The following PGM2L1 variants were observed in gnomAD, a reference collection of about 807,000 sequenced individuals.
The protein encoded by PGM2L1 is glucose 1,6-bisphosphate synthase.
In PGM2L1, 35 loss-of-function variants were observed where a neutral mutation model predicts 73.4. That is an observed-to-expected ratio of 0.48 (90% CI 0.36 to 0.63). PGM2L1 has a LOEUF of 0.63. Ranked by LOEUF, PGM2L1 falls within the 30% of genes least tolerant of loss-of-function variation. PGM2L1 has a pLI of 0.00. For missense variants in PGM2L1, 570 were observed against 742.0 expected (o/e 0.77, Z 2.69); for synonymous variants, 225 against 253.8 (o/e 0.89, Z 1.08).
intron 2 of PGM2L1, among the ~76,000 whole-genome samples, chr11:74,373,025 T>TAA (rs34565565): frequency 7.3e-5 from 11 of 151,472 alleles, no homozygotes; most frequent in East Asian, 1.9e-4. Context: ...TTTTTGCCAT[T>TAA]AAAAAAAATG....
chr11:74,343,043 G>A, intron 10 of PGM2L1, 29 bp from the exon 11 acceptor site: 1 of 1,572,042 alleles, frequency 6.4e-7, no homozygotes, highest in South Asian at 1.2e-5. Context: ...CACTAGAAAA[G>A]AGGAAAACTT....
In PGM2L1 at chr11:74,398,199, G is replaced by C; in HGVS notation, c.-38C>G. 1 of 1,585,400 alleles carries C rather than the reference G, an allele frequency of 6.3e-7. No homozygotes were observed. Among genetic ancestry groups the C allele is most frequent in the Non-Finnish European group, 8.6e-7 (1 of 1,164,584 alleles). On this transcript the variant is annotated 5_prime_UTR_variant, in exon 1 of 14. Transcript: ENST00000298198. ...GGCGTACGGGCCGGGGGCCGGCGAA[G>C]ACACTGAGTTGGGGTGGGGGGTGGC...
At chr11:74,354,623 C>A in intron 5 of PGM2L1, 1 of 1,147,744 alleles carries the variant, frequency 8.7e-7, no homozygotes. Context: ...GGGTTTGTCA[C>A]ATATGCCACT....
At chr11:74,361,925 G>A (rs929498012) in intron 5 of PGM2L1, among the ~76,000 whole-genome samples, 1 of 152,178 alleles carries the variant, frequency 6.6e-6, no homozygotes, top group Admixed American at 6.5e-5. Context: ...CATCTGATTG[G>A]TATACCTGAA....
At chr11:74,378,004 A>G (rs942941669) in intron 1 of PGM2L1, among the ~76,000 whole-genome samples, 1 of 151,920 alleles carries the variant, frequency 6.6e-6, no homozygotes, top group Non-Finnish European at 1.5e-5. Flanking sequence ...CCTGCTTTGA[A>G]GAAACATACA....
intron 5 of PGM2L1, among the ~76,000 whole-genome samples, chr11:74,363,176 T>G (rs1862593836): frequency 6.6e-6 from 1 of 152,206 alleles, no homozygotes; most frequent in Admixed American, 6.5e-5. Flanking sequence ...AATAAAGATG[T>G]TCTTTGAAAC....
At chr11:74,337,213 G>C (rs1210515010) in intron 13 of PGM2L1, among the ~76,000 whole-genome samples, 1 of 152,150 alleles carries the variant, frequency 6.6e-6, no homozygotes, top group African/African-American at 2.4e-5. Context: ...CTTAAAAGAA[G>C]GCCCTTGAAA....
chr11:74,339,263 C>A (rs1862147019), intron 12 of PGM2L1, among the ~76,000 whole-genome samples: 1 of 152,152 alleles, frequency 6.6e-6, no homozygotes, highest in South Asian at 2.1e-4. Context: ...CCTGCATGTA[C>A]TGGGGTGCAG....
At chr11:74,360,069 G>A (rs1252824382) in intron 5 of PGM2L1, among the ~76,000 whole-genome samples, 3 of 151,888 alleles carry the variant, frequency 2.0e-5, no homozygotes, top group African/African-American at 7.3e-5. Context: ...GCAAGACCCT[G>A]TCTCTACTAA....
At chr11:74,348,729 T>C (rs1456377457) in intron 6 of PGM2L1, among the ~76,000 whole-genome samples, 5 of 152,224 alleles carry the variant, frequency 3.3e-5, no homozygotes, top group African/African-American at 7.2e-5. Flanking sequence ...ATGTCATTTA[T>C]TGAAGAAACT....
chr11:74,338,392 T>C (rs1768174879), intron 13 of PGM2L1, 76 bp downstream of exon 13: 1 of 1,307,898 alleles, frequency 7.6e-7, no homozygotes, highest in South Asian at 2.0e-5. Context: ...ACATTTTAAG[T>C]GCGTGAGCTG....
chr11:74,395,548 G>GGTT (rs1565447849), intron 1 of PGM2L1, among the ~76,000 whole-genome samples: 1 of 66,196 alleles, frequency 1.5e-5, no homozygotes, highest in Admixed American at 1.7e-4. Context: ...ACCTCGCCTG[G>GGTT]CTTTTTTTTT....
intron 5 of PGM2L1, among the ~76,000 whole-genome samples, chr11:74,361,554 C>T (rs1862563836): frequency 6.6e-6 from 1 of 152,188 alleles, no homozygotes; most frequent in African/African-American, 2.4e-5. Flanking sequence ...CGGAGAATGA[C>T]TTTGACGAGT....
rs1161170050 is a variant in PGM2L1, at chr11:74,332,864, A to G, written c.*3788T>C. On this transcript the variant is annotated 3_prime_UTR_variant, in exon 14 of 14. Transcript: ENST00000298198. Reference sequence around the variant, plus strand: ...AATAACAACATATATATTCAAAACGAAAACCTCAAATAACCTAAGCCACTA... The same window carrying G: ...AATAACAACATATATATTCAAAACGGAAACCTCAAATAACCTAAGCCACTA... 3 of 152,640 alleles carry G rather than the reference A, an allele frequency of 2.0e-5. No homozygotes were observed. Among genetic ancestry groups the G allele is most frequent in the Non-Finnish European group, 2.9e-5 (2 of 68,028 alleles). The allele number at this position is 152,640 out of a possible 1,614,324, so 9.5% of individuals were successfully genotyped here. A position where few individuals can be genotyped will look rare whatever the true frequency, so the allele number is the denominator to read the frequency against.
At chr11:74,365,560 C>T (rs1205827470) in intron 5 of PGM2L1, among the ~76,000 whole-genome samples, 1 of 152,162 alleles carries the variant, frequency 6.6e-6, no homozygotes, top group African/African-American at 2.4e-5. Context: ...AGGATATGAA[C>T]AGACACTTCT....
At chr11:74,373,942 A>G (rs1862813528) in intron 2 of PGM2L1, among the ~76,000 whole-genome samples, 1 of 152,072 alleles carries the variant, frequency 6.6e-6, no homozygotes, top group Non-Finnish European at 1.5e-5. Context: ...CTTGAGCAAG[A>G]CTAAAGGTCA....
chr11:74,342,764 C>T (rs1373213114), intron 11 of PGM2L1, 114 bp from the exon 12 acceptor site: 28 of 1,376,006 alleles, frequency 2.0e-5, no homozygotes. Context: ...GTCCTTAATT[C>T]ACATAATTTT....
At chr11:74,390,033 G>GACAC (rs1266145624) in intron 1 of PGM2L1, among the ~76,000 whole-genome samples, 7 of 147,572 alleles carry the variant, frequency 4.7e-5, no homozygotes, top group Non-Finnish European at 8.9e-5. Context: ...GCAGGAGAAT[G>GACAC]GCGTGAACCC....
intron 1 of PGM2L1, among the ~76,000 whole-genome samples, chr11:74,376,784 G>T (rs1476654742): frequency 1.3e-5 from 2 of 151,660 alleles, no homozygotes; most frequent in African/African-American, 4.8e-5. Flanking sequence ...TTGAAAAACT[G>T]GTAAGTTAGA....
Sources: gnomAD v4.1 joint callset for allele counts (sites outside exome capture counted in the v4.1 genomes callset) on GRCh38, gnomAD v4.1.1 for gene constraint, MANE v1.5 for transcripts, NCBI Gene and HGNC (gene_info 2026-07-23, HGNC 2026-07-21) for gene names.